Variants in CREG2 observed in about 807,000 individuals in gnomAD.
The protein encoded by CREG2 is cellular repressor of E1A stimulated genes 2.
A neutral mutation model predicts 26.2 loss-of-function variants in CREG2; 24 were observed. The ratio of observed to expected loss-of-function variants is 0.92; its 90% CI spans 0.66 to 1.29. CREG2 has a LOEUF of 1.29. Among genes scored for constraint, CREG2 ranks in the 50% most tolerant of loss-of-function variants. The pLI, the probability that CREG2 is intolerant of heterozygous loss-of-function variation, is 0.00. For missense variants in CREG2, 366 were observed against 398.6 expected, an observed-to-expected ratio of 0.92 and a Z score of 0.70; for synonymous variants, 174 against 169.2, an observed-to-expected ratio of 1.03 and a Z score of -0.22.
rs1368363666 is a variant in CREG2 at position 101,347,855 on chromosome 2, G to A, written c.*3068C>T. The A allele has an allele frequency of 6.6e-6, 1 of 152,034 alleles. No homozygotes were observed. Among genetic ancestry groups the A allele is most frequent in the Non-Finnish European group, 1.5e-5 (1 of 67,994 alleles). The allele number at this position is 152,034 out of a possible 1,614,324, so 9.4% of individuals were successfully genotyped here. Reference sequence around the variant, plus strand: ...TTTAATTTATCAAATTTTCTTTTATGAATTGTGCTTTTGGTATCAAGTCTA... The same window carrying A: ...TTTAATTTATCAAATTTTCTTTTATAAATTGTGCTTTTGGTATCAAGTCTA... On this transcript the variant is annotated 3_prime_UTR_variant, in exon 4 of 4. Transcript: ENST00000324768.
chr2:101,383,568 C>G lies in CREG2; in HGVS notation c.576G>C (p.Ser192=). The change falls in exon 2 of 4, where the codon TCG becomes TCC. Residue 192 remains serine, a synonymous_variant. Coordinates refer to ENST00000324768, the MANE Select transcript of CREG2 (RefSeq NM_153836.4). ...VADLMKNPMA[S]LMLPESEGEF... ...CCCCTTCTGATTCTGGCAGCATCAG[C>G]GAGGCCATGGGGTTCTTCATCAGAT... 1.9e-6 allele frequency: 3 copies of G among 1,614,120 alleles called. No individual in the cohort carries two copies. Among genetic ancestry groups the G allele is most frequent in the Non-Finnish European group, 1.7e-6 (2 of 1,180,036 alleles).
intron 2 of CREG2, among the ~76,000 whole-genome samples, chr2:101,377,447 C>T (rs1684810252): frequency 6.6e-6 from 1 of 152,148 alleles, no homozygotes; most frequent in Non-Finnish European, 1.5e-5. Flanking sequence ...AAAACTCATG[C>T]TATTCAAGGC....
At chr2:101,383,049 T>TA (rs1268928102) in intron 2 of CREG2, 2 of 954,304 alleles carry the variant, frequency 2.1e-6, no homozygotes, top group Admixed American at 6.1e-5. Flanking sequence ...AAAAGTGAAT[T>TA]AAAAAATGCT....
chr2:101,377,958 A>G (rs1457837759), intron 2 of CREG2, among the ~76,000 whole-genome samples: 1 of 152,208 alleles, frequency 6.6e-6, no homozygotes. Flanking sequence ...AAGATTGAAT[A>G]TATTCAACAT....
intron 2 of CREG2, among the ~76,000 whole-genome samples, chr2:101,373,463 C>A (rs541915928): frequency 6.6e-6 from 1 of 151,986 alleles, no homozygotes; most frequent in South Asian, 2.1e-4. Context: ...GAAATGAAAC[C>A]CTTATGTCCA....
chr2:101,347,316 T>C lies in CREG2; in HGVS notation c.*3607A>G, dbSNP rs1257135297. 6.6e-6 allele frequency: 1 copy of C among 152,160 alleles called. No homozygotes were observed. Among genetic ancestry groups the C allele is most frequent in the African/African-American group, 2.4e-5 (1 of 41,440 alleles). 9.4% of individuals were successfully genotyped at this position (152,160 alleles called of 1,614,324 possible). A position where few individuals can be genotyped will look rare whatever the true frequency, so the allele number is the denominator to read the frequency against. ...AAGTTTTTGTGTGAACCTCTTTTCA[T>C]TTCTCTTGTATAAATGCCCAGGAGC... is the stretch of plus-strand genomic sequence containing the variant. On this transcript the variant is annotated 3_prime_UTR_variant, in exon 4 of 4. Coordinates refer to ENST00000324768, the MANE Select transcript of CREG2 (RefSeq NM_153836.4).
intron 2 of CREG2, among the ~76,000 whole-genome samples, chr2:101,357,373 G>A (rs935298163): frequency 1.3e-5 from 2 of 152,170 alleles, no homozygotes; most frequent in Non-Finnish European, 2.9e-5. Context: ...ATGTCAGGGT[G>A]CCTATTTCTG....
chr2:101,366,335 G>A (rs138645835), intron 2 of CREG2, among the ~76,000 whole-genome samples: 1 of 152,100 alleles, frequency 6.6e-6, no homozygotes, highest in Non-Finnish European at 1.5e-5. Context: ...TCAGGCTGTT[G>A]ATGTCTCTTT....
chr2:101,380,698 G>A (rs577105074), intron 2 of CREG2, among the ~76,000 whole-genome samples: 11 of 152,274 alleles, frequency 7.2e-5, no homozygotes, highest in Admixed American at 2.6e-4. Flanking sequence ...AATCCCAAGC[G>A]TGGGAGGCTG....
intron 2 of CREG2, among the ~76,000 whole-genome samples, chr2:101,372,415 C>T (rs575126413): frequency 6.6e-6 from 1 of 152,360 alleles, no homozygotes; most frequent in Non-Finnish European, 1.5e-5. Context: ...TAGTATCTCC[C>T]TACCTCGTCT....
chr2:101,359,819 A>G (rs150955092), intron 2 of CREG2, among the ~76,000 whole-genome samples: 2 of 152,368 alleles, frequency 1.3e-5, no homozygotes, highest in East Asian at 1.9e-4. Context: ...AGCATTATGC[A>G]TCAACCAGAC....
chr2:101,350,815 G>A lies in CREG2; in HGVS notation c.*108C>T. 1 of 1,087,266 alleles carries A rather than the reference G, an allele frequency of 9.2e-7. No homozygotes were observed. The highest frequency in any genetic ancestry group is 1.4e-6 in the Non-Finnish European group (1 of 735,620). The allele number at this position is 1,087,266 out of a possible 1,614,324, so 67.4% of individuals were successfully genotyped here. The stretch of plus-strand genomic sequence containing the variant: ...CTCATTCTGCTGCAGGGATGGCAGG[G>A]CTGCTATGAACCCTTCAACAAAGAG... On this transcript the variant is annotated 3_prime_UTR_variant, in exon 4 of 4. Coordinates refer to ENST00000324768, the MANE Select transcript of CREG2 (RefSeq NM_153836.4).
intron 2 of CREG2, among the ~76,000 whole-genome samples, chr2:101,370,418 T>C (rs1298312437): frequency 6.6e-6 from 1 of 152,156 alleles, no homozygotes; most frequent in Non-Finnish European, 1.5e-5. Context: ...AAACGTTTCA[T>C]CCCCACAGTG....
At chr2:101,359,480 T>C (rs1405790294) in intron 2 of CREG2, among the ~76,000 whole-genome samples, 1 of 152,182 alleles carries the variant, frequency 6.6e-6, no homozygotes, top group Non-Finnish European at 1.5e-5. Context: ...GCTCCTGAGA[T>C]ATTAGTAGGA....
At chr2:101,384,029 A>G (rs1019478490) in intron 1 of CREG2, among the ~76,000 whole-genome samples, 4 of 152,156 alleles carry the variant, frequency 2.6e-5, no homozygotes, top group African/African-American at 9.7e-5. Flanking sequence ...GGGGAGGGAC[A>G]ATGACATTTA....
chr2:101,369,834 G>C (rs560679578), intron 2 of CREG2, among the ~76,000 whole-genome samples: 2 of 152,184 alleles, frequency 1.3e-5, no homozygotes, highest in Non-Finnish European at 2.9e-5. Flanking sequence ...CTGCGTGCAC[G>C]TATTTAGAGC....
chr2:101,358,700 C>T (rs1343787652), intron 2 of CREG2, among the ~76,000 whole-genome samples: 2 of 152,168 alleles, frequency 1.3e-5, no homozygotes, highest in Non-Finnish European at 2.9e-5. Flanking sequence ...TTCCTGCCTC[C>T]TCAGAAGAAA....
rs1684594517 is a variant in CREG2, at chr2:101,364,657, T to C, written c.612-9291A>G. Among the ~76,000 whole-genome samples the C allele has an allele frequency of 2.6e-5, 4 of 152,346 alleles. No individual in the cohort carries two copies. The South Asian group carries it at 6.2e-4, about 24-fold the overall frequency. On this transcript the variant is annotated intron_variant, in intron 2 of 3. Transcript: ENST00000324768. ...TGGGATGTTCTAGGCGTGCTGAGAA[T>C]GCATGTGAGGATTCTTTTCATGAAT...
intron 2 of CREG2, among the ~76,000 whole-genome samples, chr2:101,371,899 C>T (rs1194869058): frequency 1.3e-5 from 2 of 152,038 alleles, no homozygotes; most frequent in South Asian, 2.1e-4. Context: ...GGGAATAAAT[C>T]GGTGAGGGAA....
Sources: gnomAD v4.1 joint callset for allele counts (sites outside exome capture counted in the v4.1 genomes callset) on GRCh38, gnomAD v4.1.1 for gene constraint, MANE v1.5 for transcripts, NCBI Gene and HGNC (gene_info 2026-07-23, HGNC 2026-07-21) for gene names.